USP54: variants seen among roughly 807,000 people sequenced by gnomAD.
The protein encoded by USP54 is ubiquitin carboxyl-terminal hydrolase 54.
USP54 carries 87 observed loss-of-function variants against 170.5 expected under a neutral mutation model. That is an observed-to-expected ratio of 0.51 (90% CI 0.43 to 0.61). The LOEUF is 0.61. Ranked by LOEUF, USP54 falls within the 20% of genes least tolerant of loss-of-function variation. The pLI is 0.00. For synonymous variants in USP54, 655 were observed against 742.8 expected (o/e 0.88, Z 1.92); for missense variants, 1,786 against 2,047.8 (o/e 0.87, Z 2.47).
At chr10:73,613,015 A>G (rs993806868) in intron 1 of USP54, among the ~76,000 whole-genome samples, 1 of 151,790 alleles carries the variant, frequency 6.6e-6, no homozygotes, top group African/African-American at 2.4e-5. Context: ...AAATTAGCCA[A>G]GCATGGTGGT....
chr10:73,576,669 C>T (rs1427886711), intron 1 of USP54, among the ~76,000 whole-genome samples: 1 of 152,162 alleles, frequency 6.6e-6, no homozygotes, highest in Non-Finnish European at 1.5e-5. Context: ...ATCAGGCTAA[C>T]ACAAAACAAA....
intron 1 of USP54, among the ~76,000 whole-genome samples, chr10:73,585,899 T>TA (rs1279799545): frequency 1.3e-5 from 2 of 151,964 alleles, no homozygotes; most frequent in African/African-American, 4.8e-5. Flanking sequence ...CGCGTGCCTG[T>TA]AGTCCCAGGA....
intron 12 of USP54, among the ~76,000 whole-genome samples, chr10:73,532,975 C>T (rs1010816804): frequency 3.9e-5 from 6 of 152,080 alleles, no homozygotes; most frequent in Non-Finnish European, 7.4e-5. Flanking sequence ...CATTGGTTAC[C>T]TATCAGTTTT....
intron 1 of USP54, among the ~76,000 whole-genome samples, chr10:73,621,971 C>T (rs1177786648): frequency 6.6e-6 from 1 of 152,158 alleles, no homozygotes; most frequent in African/African-American, 2.4e-5. Flanking sequence ...AAGTCCCACC[C>T]AGAATTCTGG....
rs2081310727 is a variant in USP54 at position 73,624,181 on chromosome 10, TATATATATATA to T, written c.-18+1375_-18+1385del. Among the ~76,000 whole-genome samples the T allele has an allele frequency of 3.0e-4, 36 of 118,364 alleles. No homozygotes were observed. In the South Asian group the frequency reaches 0.013, roughly 42 times the overall value. The allele number at this position is 118,364 out of a possible 152,430, so 77.7% of individuals were successfully genotyped here. ...AGCCATATATATATATATATATATA[TATATATATATA>T]TATGTATTTTTTTTTTTTTTTTTGA... On this transcript the variant is annotated intron_variant, in intron 1 of 22. Coordinates refer to the USP54 transcript ENST00000339859.
chr10:73,502,113 A>G, intron 22 of USP54, among the ~76,000 whole-genome samples: 1 of 152,336 alleles, frequency 6.6e-6, no homozygotes, highest in South Asian at 2.1e-4. Flanking sequence ...GTAATAATAC[A>G]TTAAATAAAA....
At chr10:73,600,290 A>G (rs75256686) in intron 1 of USP54, among the ~76,000 whole-genome samples, 5,361 of 152,144 alleles carry the variant, frequency 0.035, 154 homozygotes, top group South Asian at 0.11. Context: ...TTGATTTTTT[A>G]ATTAGCGGTT....
At position 73,517,265 on chromosome 10, in the gene USP54, C is replaced by T; in HGVS notation, c.3161G>A (p.Gly1054Asp). The change falls in exon 20 of 24, where the codon GGC (glycine) becomes GAC (aspartate). Residue 1054 changes from glycine to aspartate, a missense_variant. Around this residue, in one of 3 missense-constraint regions of USP54, gnomAD observed 1,418 missense variants for 1,569.0 expected, o/e 0.90. Coordinates refer to ENST00000687698, the MANE Select transcript of USP54 (RefSeq NM_001391956.1). ...AGCTGATGAATTTGAAGGACTACAG[C>T]CTAGGCTGTGTTCATCACCCCTCTC... ...TSERGDEHSL[G>D]CSPSNSSAQP... The T allele has an allele frequency of 1.2e-6, 2 of 1,613,932 alleles. No homozygotes were observed. The highest frequency in any genetic ancestry group is 1.7e-6 in the Non-Finnish European group (2 of 1,179,866).
At chr10:73,558,663 G>T (rs1242019235) in intron 4 of USP54, among the ~76,000 whole-genome samples, 2 of 152,062 alleles carry the variant, frequency 1.3e-5, no homozygotes, top group Non-Finnish European at 2.9e-5. Context: ...CTTACCAGTG[G>T]TTCCTAGAGT....
At chr10:73,620,312 CA>C (rs757270815) in intron 1 of USP54, among the ~76,000 whole-genome samples, 190 of 117,836 alleles carry the variant, frequency 1.6e-3, no homozygotes, top group Middle Eastern at 4.0e-3. Flanking sequence ...GACTCCATCT[CA>C]AAAAAAAAAA....
In USP54 at chr10:73,576,273, T is replaced by G. The variant is rs962053223; in HGVS notation, c.-493A>C. ...TGATGTTCTTGCTGCTTCTTTTTAA[T>G]GTGCCCCAAACTTCTATTGTCCCAT... is the stretch of plus-strand genomic sequence containing the variant. On this transcript the variant is annotated 5_prime_UTR_variant, in exon 2 of 24. Coordinates refer to ENST00000687698, the MANE Select transcript of USP54 (RefSeq NM_001391956.1). 2.0e-5 allele frequency: 3 copies of G among 152,196 alleles called. No homozygotes were observed. Among genetic ancestry groups the G allele is most frequent in the Admixed American group, 6.6e-5 (1 of 15,264 alleles). 9.4% of individuals were successfully genotyped at this position (152,196 alleles called of 1,614,324 possible).
chr10:73,539,406 G>A lies in USP54; in HGVS notation c.975+38C>T, dbSNP rs201278882. On this transcript the variant is annotated intron_variant, in intron 10 of 23. Transcript: ENST00000687698. Reference sequence around the variant, plus strand: ...CAAATGATTATTCTTTTTTTTTGTAGTCACCAAACACTTCAAAAAGGACTT... The same window carrying A: ...CAAATGATTATTCTTTTTTTTTGTAATCACCAAACACTTCAAAAAGGACTT... 937 of 1,474,190 alleles carry A rather than the reference G, an allele frequency of 6.4e-4. 5 individuals are homozygous for A. The highest frequency in any genetic ancestry group is 1.8e-3 in the Middle Eastern group (9 of 5,126). 91.3% of individuals were successfully genotyped at this position (1,474,190 alleles called of 1,614,324 possible).
rs2076042206 is a variant in USP54 at position 73,575,814 on chromosome 10, G to A, written c.-34C>T. Reference sequence around the variant, plus strand: ...CTTTACCACCTTCCAAATATCATCTGTGTAGTCAAGGGACTCAGGTATCCT... The same window carrying A: ...CTTTACCACCTTCCAAATATCATCTATGTAGTCAAGGGACTCAGGTATCCT... On this transcript the variant is annotated 5_prime_UTR_variant, in exon 2 of 24. Coordinates refer to ENST00000687698, the MANE Select transcript of USP54 (RefSeq NM_001391956.1). 1 of 872,198 alleles carries A rather than the reference G, an allele frequency of 1.1e-6. No individual in the cohort carries two copies. Among genetic ancestry groups the A allele is most frequent in the Non-Finnish European group, 1.7e-6 (1 of 597,940 alleles). The allele number at this position is 872,198 out of a possible 1,614,324, so 54.0% of individuals were successfully genotyped here. A position where few individuals can be genotyped will look rare whatever the true frequency, so the allele number is the denominator to read the frequency against.
At chr10:73,621,996 C>T (rs1409718111) in intron 1 of USP54, among the ~76,000 whole-genome samples, 1 of 152,152 alleles carries the variant, frequency 6.6e-6, no homozygotes, top group East Asian at 1.9e-4. Context: ...CTGGCCAGTT[C>T]CACCTGCAAC....
Position 73,517,166 on chromosome 10 carries a change from G to A in USP54, c.3260C>T (p.Pro1087Leu). 6.2e-7 allele frequency: 1 copy of A among 1,614,208 alleles called. No homozygotes were observed. The highest frequency in any genetic ancestry group is 1.1e-5 in the South Asian group (1 of 91,086). The change falls in exon 20 of 24, where the codon CCT (proline) becomes CTT (leucine). Residue 1087 changes from proline to leucine, a missense_variant. Physicochemically the swap from Pro to Leu is moderately conservative, Grantham distance 98 (BLOSUM62 -3). Around this residue, in one of 3 missense-constraint regions of USP54, gnomAD observed 1,418 missense variants for 1,569.0 expected, o/e 0.90. Coordinates refer to ENST00000687698, the MANE Select transcript of USP54 (RefSeq NM_001391956.1). ...TTGGTTAGTTTTCTGCACAGGATCA[G>A]GACAGTGAAGCACAAATGAAGAAGC... ...PVASSFVLHC[P>L]DPVQKTNQCL...
intron 16 of USP54, 134 bp downstream of exon 16, chr10:73,526,513 C>T: frequency 7.7e-7 from 1 of 1,290,896 alleles, no homozygotes; most frequent in Non-Finnish European, 1.0e-6. Flanking sequence ...TCCCAAAGTG[C>T]TGGGATTACA....
chr10:73,562,403 C>G (rs996771060), intron 4 of USP54, among the ~76,000 whole-genome samples: 1 of 152,198 alleles, frequency 6.6e-6, no homozygotes, highest in African/African-American at 2.4e-5. Context: ...CTACCCTCCA[C>G]CTTCTACAGA....
In USP54 at chr10:73,504,990, C is replaced by T; in HGVS notation, c.4171G>A (p.Ala1391Thr). ...CTGCTGAGGCCTCGGCAAGGTGTAG[C>T]CTTCAAACACACAGACACATACAGG... is the stretch of plus-strand genomic sequence containing the variant. ...HEARTVRTSQ[A>T]TPCRGLSREC... Residue 1391 changes from alanine (A) to threonine (T), a missense_variant and splice_region_variant, in exon 22 of 24, where the codon GCT (alanine) becomes ACT (threonine). Around this residue, in one of 3 missense-constraint regions of USP54, gnomAD observed 1,418 missense variants for 1,569.0 expected, o/e 0.90. Transcript: ENST00000687698. 6.2e-7 allele frequency: 1 copy of T among 1,614,136 alleles called. No homozygotes were observed. The highest frequency in any genetic ancestry group is 1.3e-5 in the African/African-American group (1 of 75,018).
chr10:73,571,372 C>A, intron 4 of USP54, 49 bp downstream of exon 4: 1 of 1,511,566 alleles, frequency 6.6e-7, no homozygotes, highest in South Asian at 1.2e-5. Flanking sequence ...TGATATTGAC[C>A]ATTTGGCCAC....
Sources: allele counts gnomAD v4.1 joint callset (sites outside exome capture counted in the v4.1 genomes callset), GRCh38; gene constraint gnomAD v4.1.1; regional missense constraint gnomAD v4.1.1; transcripts MANE v1.5; gene names NCBI Gene and HGNC (gene_info 2026-07-23, HGNC 2026-07-21).